Variants in MAP3K5 observed in about 807,000 individuals in gnomAD.
MAP3K5 encodes ASK-1.
In MAP3K5, 56 loss-of-function variants were observed where a neutral mutation model predicts 158.7. That is an observed-to-expected ratio of 0.35 (90% CI 0.28 to 0.44). MAP3K5 has a LOEUF of 0.44. Among genes scored for constraint, MAP3K5 ranks in the 20% least tolerant of loss-of-function variants. The pLI is 1.00. For synonymous variants in MAP3K5, 579 were observed against 601.7 expected, an observed-to-expected ratio of 0.96 and a Z score of 0.55; for missense variants, 1,294 against 1,674.8, an observed-to-expected ratio of 0.77 and a Z score of 3.97.
chr6:136,665,964 T>C (rs1779213476), intron 8 of MAP3K5, among the ~76,000 whole-genome samples: 2 of 152,244 alleles, frequency 1.3e-5, no homozygotes, highest in Non-Finnish European at 2.9e-5. Context: ...TCATCATTAC[T>C]GTTGGAGACT....
chr6:136,560,911 C>T lies in MAP3K5; in HGVS notation c.3987+622G>A, dbSNP rs546578992. Among the ~76,000 whole-genome samples the T allele has an allele frequency of 5.3e-4, 79 of 149,268 alleles. 1 individual carries two copies. The South Asian group carries it at 0.015, about 29-fold the overall frequency. ...GCAGGGAGCTATGATCACTGCCCTC[C>T]AGCCAGGGTAACAGAGCGAGACCTT... On this transcript the variant is annotated intron_variant, in intron 28 of 29. Transcript: ENST00000359015.
intron 7 of MAP3K5, among the ~76,000 whole-genome samples, chr6:136,672,278 C>T (rs1779515220): frequency 6.6e-6 from 1 of 152,062 alleles, no homozygotes; most frequent in Non-Finnish European, 1.5e-5. Flanking sequence ...TTTGCAGACA[C>T]TGGAGATCTA....
intron 7 of MAP3K5, among the ~76,000 whole-genome samples, chr6:136,685,244 G>C (rs139488165): frequency 2.0e-5 from 3 of 152,078 alleles, no homozygotes; most frequent in African/African-American, 7.2e-5. Flanking sequence ...CTTGAACCCA[G>C]GAGTTCAAGG....
chr6:136,610,870 A>G (rs1776306530), intron 18 of MAP3K5, among the ~76,000 whole-genome samples: 1 of 151,944 alleles, frequency 6.6e-6, no homozygotes, highest in African/African-American at 2.4e-5. Context: ...ACACTTTTGG[A>G]GGCCACAGGT....
intron 1 of MAP3K5, among the ~76,000 whole-genome samples, chr6:136,758,911 G>A (rs1055772513): frequency 6.6e-6 from 1 of 152,216 alleles, no homozygotes; most frequent in Non-Finnish European, 1.5e-5. Flanking sequence ...GGCGGCTCAC[G>A]CCTGTAATCC....
chr6:136,752,283 A>C (rs972843450), intron 1 of MAP3K5, among the ~76,000 whole-genome samples: 1 of 152,142 alleles, frequency 6.6e-6, no homozygotes, highest in African/African-American at 2.4e-5. Context: ...TTTCAAATCA[A>C]TAAGGGCTGT....
At chr6:136,783,098 G>C (rs720065) in intron 1 of MAP3K5, among the ~76,000 whole-genome samples, 11,514 of 152,194 alleles carry the variant, frequency 0.076, 857 homozygotes, top group African/African-American at 0.19. Context: ...GAGTCCAGGA[G>C]TTTGAGACCA....
intron 2 of MAP3K5, among the ~76,000 whole-genome samples, chr6:136,708,256 A>AT (rs201437492): frequency 2.0e-4 from 30 of 148,864 alleles, no homozygotes; most frequent in African/African-American, 6.8e-4. Flanking sequence ...AGTATTAATT[A>AT]TTTTTTTTTA....
chr6:136,611,879 G>A (rs912148655), intron 17 of MAP3K5, among the ~76,000 whole-genome samples: 3 of 152,198 alleles, frequency 2.0e-5, no homozygotes, highest in Non-Finnish European at 4.4e-5. Flanking sequence ...TATTCTGGGG[G>A]TCACAAGATT....
intron 7 of MAP3K5, among the ~76,000 whole-genome samples, chr6:136,676,916 C>T (rs1779727965): frequency 6.6e-6 from 1 of 150,980 alleles, no homozygotes; most frequent in Non-Finnish European, 1.5e-5. Flanking sequence ...CTCAGCCTCC[C>T]GAGTAGCTGG....
intron 5 of MAP3K5, 92 bp downstream of exon 5, chr6:136,697,127 C>A: frequency 9.0e-7 from 1 of 1,107,274 alleles, no homozygotes; most frequent in Non-Finnish European, 1.3e-6. Context: ...GTAACATGAA[C>A]TGCTTACCAG....
intron 14 of MAP3K5, among the ~76,000 whole-genome samples, chr6:136,631,652 C>T (rs531577051): frequency 6.6e-6 from 1 of 152,080 alleles, no homozygotes; most frequent in Non-Finnish European, 1.5e-5. Flanking sequence ...TTCTCCCATC[C>T]ATATCTCTCT....
At chr6:136,577,024 C>G (rs1774651433) in intron 25 of MAP3K5, among the ~76,000 whole-genome samples, 1 of 151,972 alleles carries the variant, frequency 6.6e-6, no homozygotes, top group East Asian at 1.9e-4. Flanking sequence ...TGCAGAATGA[C>G]AAAATTGCCT....
intron 7 of MAP3K5, among the ~76,000 whole-genome samples, chr6:136,677,118 T>C (rs897417271): frequency 6.8e-6 from 1 of 147,798 alleles, no homozygotes; most frequent in African/African-American, 2.5e-5. Flanking sequence ...GATGTTAAAA[T>C]AATGATGATA....
chr6:136,741,246 C>T (rs901449866), intron 1 of MAP3K5, among the ~76,000 whole-genome samples: 1 of 152,034 alleles, frequency 6.6e-6, no homozygotes, highest in Admixed American at 6.6e-5. Flanking sequence ...AGCTAGCACA[C>T]GGAGATACTA....
intron 25 of MAP3K5, among the ~76,000 whole-genome samples, chr6:136,574,740 G>C (rs1774526534): frequency 7.1e-6 from 1 of 141,560 alleles, no homozygotes; most frequent in Admixed American, 7.4e-5. Flanking sequence ...CCAGGCTGGA[G>C]TGCAGTGGCA....
At chr6:136,567,952 C>G in intron 25 of MAP3K5, 78 bp from the exon 26 acceptor site, 1 of 1,440,988 alleles carries the variant, frequency 6.9e-7, no homozygotes, top group East Asian at 2.3e-5. Context: ...GAATGCTACC[C>G]TCCTGCCCCA....
intron 11 of MAP3K5, among the ~76,000 whole-genome samples, chr6:136,646,775 G>C (rs1451934916): frequency 6.6e-6 from 1 of 152,182 alleles, no homozygotes; most frequent in African/African-American, 2.4e-5. Context: ...TTGCATACAT[G>C]CAAAACAATA....
At chr6:136,705,052 T>C in intron 3 of MAP3K5, 58 bp downstream of exon 3, 1 of 802,758 alleles carries the variant, frequency 1.2e-6, no homozygotes, top group Non-Finnish European at 2.0e-6. Context: ...ATACCAAAGA[T>C]TAGTTAATGG....
Sources: allele counts gnomAD v4.1 joint callset (sites outside exome capture counted in the v4.1 genomes callset), GRCh38; gene constraint gnomAD v4.1.1; transcripts MANE v1.5; gene names NCBI Gene and HGNC (gene_info 2026-07-23, HGNC 2026-07-21).